ELAVL2: variants seen among roughly 807,000 people sequenced by gnomAD.
ELAVL2 encodes ELAV like RNA binding protein 2.
In ELAVL2, 4 loss-of-function variants were observed where a neutral mutation model predicts 34.6. The observed-to-expected ratio is 0.12, with a 90% CI of 0.06 to 0.26. ELAVL2 has a LOEUF of 0.26. Ranked by LOEUF, ELAVL2 falls within the 10% of genes least tolerant of loss-of-function variation. ELAVL2 has a pLI of 1.00. For synonymous variants in ELAVL2, 193 were observed against 154.8 expected, an observed-to-expected ratio of 1.25 and a Z score of -1.83; for missense variants, 432 against 442.8, an observed-to-expected ratio of 0.98 and a Z score of 0.22.
At position 23,692,752 on chromosome 9, in the gene ELAVL2, C is replaced by G; in HGVS notation, c.885G>C (p.Met295Ile). The change falls in exon 7 of 7, where the codon ATG (methionine) becomes ATC (isoleucine). Residue 295 changes from methionine to isoleucine, a missense_variant. Physicochemically the swap from Met to Ile is conservative, Grantham distance 10. Around this residue, in one of 3 missense-constraint regions of ELAVL2, gnomAD observed 295 missense variants for 306.1 expected, o/e 0.96. Transcript: ENST00000397312. ...TGGTGACAGCTCCAAAAGGCCCAAA[C>G]ATTTGCCACAGGATACTCTCATCTG... ...PDADESILWQ[M>I]FGPFGAVTNV... 6.2e-7 allele frequency: 1 copy of G among 1,614,172 alleles called. No individual in the cohort carries two copies. Among genetic ancestry groups the G allele is most frequent in the Non-Finnish European group, 8.5e-7 (1 of 1,179,998 alleles).
intron 1 of ELAVL2, among the ~76,000 whole-genome samples, chr9:23,818,445 C>T (rs1003236616): frequency 6.6e-6 from 1 of 152,124 alleles, no homozygotes; most frequent in Admixed American, 6.6e-5. Context: ...AGCAGTCCTG[C>T]CCATAACTAA....
chr9:23,731,693 A>C (rs185363518), intron 2 of ELAVL2, among the ~76,000 whole-genome samples: 1 of 152,298 alleles, frequency 6.6e-6, no homozygotes, highest in African/African-American at 2.4e-5. Flanking sequence ...ACACTCAATC[A>C]AATTTCTCCA....
At chr9:23,759,757 TATATATATATATA>T (rs2054483690) in intron 2 of ELAVL2, among the ~76,000 whole-genome samples, 1 of 62,606 alleles carries the variant, frequency 1.6e-5, no homozygotes, top group Non-Finnish European at 2.9e-5. Context: ...TATAGTATTA[TATATATATATATA>T]TATATATATA....
chr9:23,709,592 C>A (rs1029168353), intron 3 of ELAVL2, among the ~76,000 whole-genome samples: 3 of 152,108 alleles, frequency 2.0e-5, no homozygotes, highest in Non-Finnish European at 2.9e-5. Flanking sequence ...CAAAAGAGTT[C>A]GCTTTAAATG....
At chr9:23,770,541 T>G (rs1315108790) in intron 1 of ELAVL2, among the ~76,000 whole-genome samples, 1 of 151,984 alleles carries the variant, frequency 6.6e-6, no homozygotes, top group Non-Finnish European at 1.5e-5. Context: ...TCCTTATAAG[T>G]GAAAGAGGAA....
At chr9:23,725,048 TG>T (rs1464879726) in intron 3 of ELAVL2, among the ~76,000 whole-genome samples, 2 of 152,172 alleles carry the variant, frequency 1.3e-5, no homozygotes, top group Non-Finnish European at 2.9e-5. Flanking sequence ...TTCTACCCTT[TG>T]TACCATCACA....
Position 23,705,049 on chromosome 9 carries a change from G to C in ELAVL2, c.356C>G (p.Ser119Ter). The change falls in exon 4 of 7, where the codon TCA becomes TGA. Residue 119 changes from serine (S) to a stop codon, truncating the protein, a stop_gained. Transcript: ENST00000397312. LOFTEE classifies it high-confidence loss of function. The stretch of plus-strand genomic sequence containing the variant: ...TAAATTTGCATCTCTGATAGAAGCT[G>C]AACTTGGGCGAGCATAGGAAACCTG... ...TIKVSYARPS[S>*]ASIRDANLYV... The C allele has an allele frequency of 6.2e-7, 1 of 1,614,056 alleles. No individual in the cohort carries two copies. The highest frequency in any genetic ancestry group is 8.5e-7 in the Non-Finnish European group (1 of 1,179,982).
intron 2 of ELAVL2, among the ~76,000 whole-genome samples, chr9:23,743,725 T>C (rs1485246048): frequency 1.3e-5 from 2 of 152,196 alleles, no homozygotes; most frequent in African/African-American, 4.8e-5. Flanking sequence ...TACTCTTAAA[T>C]GTATAACAGG....
chr9:23,759,420 G>A (rs559412153), intron 2 of ELAVL2, among the ~76,000 whole-genome samples: 1 of 151,942 alleles, frequency 6.6e-6, no homozygotes, highest in East Asian at 2.0e-4. Flanking sequence ...GAGGAAGGAA[G>A]GAGGGGGCCA....
the ELAVL2 span, among the ~76,000 whole-genome samples, chr9:23,838,728 A>T: frequency 1.5e-4 from 23 of 152,140 alleles, no homozygotes; most frequent in Non-Finnish European, 2.6e-4. Flanking sequence ...CAAATTGCTC[A>T]AGAATCTCAT....
chr9:23,693,637 G>T, intron 5 of ELAVL2, 151 bp from the exon 6 acceptor site: 1 of 895,234 alleles, frequency 1.1e-6, no homozygotes, highest in Non-Finnish European at 1.8e-6. Context: ...ACGTTTTTAA[G>T]CTAATGGGCA....
At chr9:23,712,152 A>G (rs1039448795) in intron 3 of ELAVL2, among the ~76,000 whole-genome samples, 2 of 152,150 alleles carry the variant, frequency 1.3e-5, no homozygotes, top group Admixed American at 6.5e-5. Context: ...ATTTCTTTGT[A>G]TCTGGGAAAT....
intron 2 of ELAVL2, among the ~76,000 whole-genome samples, chr9:23,738,767 T>C (rs566391731): frequency 6.6e-6 from 1 of 152,214 alleles, no homozygotes; most frequent in Non-Finnish European, 1.5e-5. Context: ...AGTGATCATT[T>C]GGTAAATATT....
chr9:23,759,775 T>C (rs1186578320), intron 2 of ELAVL2, among the ~76,000 whole-genome samples: 1 of 137,178 alleles, frequency 7.3e-6, no homozygotes, highest in African/African-American at 2.7e-5. Flanking sequence ...TATATATATA[T>C]ATATATATAT....
chr9:23,822,755 G>C (rs1194105016), intron 1 of ELAVL2, among the ~76,000 whole-genome samples: 1 of 152,222 alleles, frequency 6.6e-6, no homozygotes, highest in Non-Finnish European at 1.5e-5. Context: ...AAAATCACCT[G>C]TCATACCTAC....
intron 3 of ELAVL2, among the ~76,000 whole-genome samples, chr9:23,715,685 A>T (rs946789207): frequency 7.2e-5 from 11 of 152,232 alleles, no homozygotes; most frequent in African/African-American, 2.7e-4. Context: ...TATCAAGATA[A>T]CCATGGCAAC....
intron 3 of ELAVL2, among the ~76,000 whole-genome samples, chr9:23,728,657 A>T (rs1355201038): frequency 6.6e-6 from 1 of 152,124 alleles, no homozygotes; most frequent in Non-Finnish European, 1.5e-5. Context: ...CCAGGAAATG[A>T]AAAGGCTTAA....
At chr9:23,814,191 T>C (rs2063401790) in intron 1 of ELAVL2, among the ~76,000 whole-genome samples, 1 of 152,192 alleles carries the variant, frequency 6.6e-6, no homozygotes, top group Non-Finnish European at 1.5e-5. Flanking sequence ...GTGGCACAAA[T>C]AATTTGTCCA....
chr9:23,761,034 G>C (rs1490776531), intron 2 of ELAVL2, among the ~76,000 whole-genome samples: 1 of 151,986 alleles, frequency 6.6e-6, no homozygotes, highest in East Asian at 1.9e-4. Context: ...CAGAAGTCTA[G>C]GGCTGACTTA....
Sources: gnomAD v4.1 joint callset for allele counts (sites outside exome capture counted in the v4.1 genomes callset) on GRCh38, gnomAD v4.1.1 for gene constraint, gnomAD v4.1.1 regional missense constraint, MANE v1.5 for transcripts, NCBI Gene and HGNC (gene_info 2026-07-23, HGNC 2026-07-21) for gene names.